The following DNAAF4 variants were observed in gnomAD, a reference collection of about 807,000 sequenced individuals.
The protein encoded by DNAAF4 is dynein axonemal assembly factor 4, also known as dynein assembly factor 4, axonemal.
A neutral mutation model predicts 51.8 loss-of-function variants in DNAAF4; 43 were observed. That is an observed-to-expected ratio of 0.83 (90% CI 0.65 to 1.07). The LOEUF (loss-of-function observed/expected upper bound fraction) is 1.07, where lower values mean the gene tolerates loss of function less well. DNAAF4 is among the 50% of genes least tolerant of loss of function. DNAAF4 has a pLI of 0.00. For synonymous variants in DNAAF4, 194 were observed against 165.6 expected (o/e 1.17, Z -1.32); for missense variants, 581 against 493.0 (o/e 1.18, Z -1.69).
At chr15:55,440,103 G>A (rs2057683915) in intron 6 of DNAAF4, among the ~76,000 whole-genome samples, 1 of 152,048 alleles carries the variant, frequency 6.6e-6, no homozygotes. Flanking sequence ...CCAGGCTGGA[G>A]TGCAAGTGGA....
chr15:55,435,207 TTCACATATACCAGCCTG>T, intron 7 of DNAAF4, 149 bp from the exon 8 acceptor site: 1 of 755,768 alleles, frequency 1.3e-6, no homozygotes, highest in Non-Finnish European at 2.0e-6. Context: ...TCCATCTCTT[TTCACATATACCAGCCTG>T]TCATTTGAAT....
chr15:55,471,081 G>C (rs1378025403), intron 4 of DNAAF4, among the ~76,000 whole-genome samples: 1 of 151,398 alleles, frequency 6.6e-6, no homozygotes, highest in Non-Finnish European at 1.5e-5. Context: ...GGCTGGTCTT[G>C]AGCTCCTGGG....
At chr15:55,453,071 C>T (rs949091219) in intron 5 of DNAAF4, among the ~76,000 whole-genome samples, 7 of 152,146 alleles carry the variant, frequency 4.6e-5, no homozygotes, top group African/African-American at 1.7e-4. Context: ...GTGAGCCACC[C>T]ACCTTGGCCT....
chr15:55,498,191 A>G lies in DNAAF4; in HGVS notation c.123+16T>C. On this transcript the variant is annotated intron_variant, in intron 2 of 9. Transcript: ENST00000321149. ...CCACACCCCCGGAGACCGGCAGGCA[A>G]GACTTGCATTCTTACCTTCAGATAG... 1.2e-6 allele frequency: 2 copies of G among 1,614,030 alleles called. No individual in the cohort carries two copies. Among genetic ancestry groups the G allele is most frequent in the Non-Finnish European group, 1.7e-6 (2 of 1,179,966 alleles).
intron 8 of DNAAF4, among the ~76,000 whole-genome samples, chr15:55,433,935 A>ATATTAT (rs1567000546): frequency 0.13 from 294 of 2,224 alleles, 11 homozygotes; most frequent in East Asian, 0.35. Flanking sequence ...ATATTATATA[A>ATATTAT]AATATATATA....
chr15:55,490,028 C>T (rs2058548993), intron 4 of DNAAF4, among the ~76,000 whole-genome samples: 1 of 151,870 alleles, frequency 6.6e-6, no homozygotes, highest in South Asian at 2.1e-4. Context: ...TGCCCACCAC[C>T]ACGCGCGGCT....
At chr15:55,432,912 T>C (rs1022553820) in intron 8 of DNAAF4, among the ~76,000 whole-genome samples, 2 of 151,988 alleles carry the variant, frequency 1.3e-5, no homozygotes, top group Non-Finnish European at 2.9e-5. Context: ...ATCGCGCCAC[T>C]GAACTCCAGC....
At chr15:55,418,557 AAC>A in intron 7 of DNAAF4, 1 of 1,461,536 alleles carries the variant, frequency 6.8e-7, no homozygotes. Flanking sequence ...CCTAATATTC[AAC>A]ACACTCTATG....
chr15:55,443,112 AC>A (rs2141433249), intron 6 of DNAAF4: 2 of 1,610,556 alleles, frequency 1.2e-6, no homozygotes. Context: ...CAGTAGGTGT[AC>A]GTTTATATGA....
exon 8 of DNAAF4, chr15:55,417,808 G>C (rs1014546280): frequency 4.3e-6 from 1 of 231,066 alleles, no homozygotes; most frequent in Non-Finnish European, 8.5e-6. Context: ...GGCTGAGTCC[G>C]AAAAGACAGT....
At position 55,466,923 on chromosome 15, in the gene DNAAF4, A is replaced by T; in HGVS notation, c.637+7T>A. 2 of 1,582,540 alleles carry T rather than the reference A, an allele frequency of 1.3e-6. No homozygotes were observed. The highest frequency in any genetic ancestry group is 1.7e-6 in the Non-Finnish European group (2 of 1,172,844). ...CTCACTACTCAAGAAATTCTTAATC[A>T]TTTTACCTTTTGGAGCAAGATTTCT... On this transcript the variant is annotated splice_region_variant and intron_variant, in intron 5 of 9. Transcript: ENST00000321149.
At chr15:55,442,725 A>G in intron 6 of DNAAF4, 1 of 1,545,062 alleles carries the variant, frequency 6.5e-7, no homozygotes, top group African/African-American at 1.4e-5. Flanking sequence ...CATTACTGGA[A>G]ACAAAAAATT....
chr15:55,418,348 C>G (rs2057355990), intron 7 of DNAAF4: 1 of 1,539,950 alleles, frequency 6.5e-7, no homozygotes, highest in African/African-American at 1.4e-5. Context: ...TCCAGACAGC[C>G]ACCTCACTAT....
intron 4 of DNAAF4, among the ~76,000 whole-genome samples, chr15:55,481,786 G>C (rs945084130): frequency 2.0e-5 from 3 of 152,158 alleles, no homozygotes; most frequent in African/African-American, 7.2e-5. Context: ...TGGCTTATTG[G>C]AATTGGGCCA....
In DNAAF4 at chr15:55,419,404, T is replaced by G. The variant is rs544561571; in HGVS notation, c.1048-1271A>C. Among the ~76,000 whole-genome samples the G allele has an allele frequency of 9.0e-3, 1,361 of 150,538 alleles. 12 individuals carry two copies. The highest frequency in any genetic ancestry group is 0.021 in the Middle Eastern group (6 of 292). On this transcript the variant is annotated intron_variant, in intron 7 of 7. Coordinates refer to the DNAAF4 transcript ENST00000448430. Reference sequence around the variant, plus strand: ...ATGCCCCTAGCTAATTTGTGGGGTGTGTGTGTGTGTGTGTGTGTAGATGGA... The same window carrying G: ...ATGCCCCTAGCTAATTTGTGGGGTGGGTGTGTGTGTGTGTGTGTAGATGGA...
In DNAAF4 at chr15:55,479,781, A is replaced by G. The variant is rs147463123; in HGVS notation, c.405+11342T>C. Among the ~76,000 whole-genome samples, 242 of 152,188 alleles carry G rather than the reference A, an allele frequency of 1.6e-3. 1 individual carries two copies. The highest frequency in any genetic ancestry group is 5.7e-3 in the African/African-American group (237 of 41,524). ...TGGGAATGTCTGTCTTGTGCAGTTG[A>G]GATAAGGACTGAGATACGCCCTGGT... On this transcript the variant is annotated intron_variant, in intron 4 of 9. Transcript: ENST00000321149.
intron 4 of DNAAF4, among the ~76,000 whole-genome samples, chr15:55,470,984 G>T (rs1301303617): frequency 6.6e-6 from 1 of 150,572 alleles, no homozygotes; most frequent in East Asian, 2.0e-4. Context: ...CTCTCAAGTA[G>T]TTGGGACCAC....
intron 5 of DNAAF4, among the ~76,000 whole-genome samples, chr15:55,464,687 G>A (rs185640039): frequency 7.9e-5 from 12 of 152,216 alleles, no homozygotes; most frequent in African/African-American, 2.6e-4. Context: ...CAAATGTCCC[G>A]CCAGGTGTGG....
At chr15:55,497,988 T>G in intron 2 of DNAAF4, 129 bp from the exon 3 acceptor site, 1 of 1,346,014 alleles carries the variant, frequency 7.4e-7, no homozygotes, top group Non-Finnish European at 1.0e-6. Flanking sequence ...AGTGAAAGAT[T>G]AGCAAGGCAT....
Sources: gnomAD v4.1 joint callset for allele counts (sites outside exome capture counted in the v4.1 genomes callset) on GRCh38, gnomAD v4.1.1 for gene constraint, MANE v1.5 for transcripts, NCBI Gene and HGNC (gene_info 2026-07-23, HGNC 2026-07-21) for gene names.